The following ATP9A variants were observed in gnomAD, a reference collection of about 807,000 sequenced individuals.
The protein encoded by ATP9A is probable phospholipid-transporting ATPase IIA.
In ATP9A, 52 loss-of-function variants were observed where a neutral mutation model predicts 144.1. The observed-to-expected ratio is 0.36, with a 90% CI of 0.29 to 0.45. The LOEUF is 0.45. Ranked by LOEUF, ATP9A falls within the 20% of genes least tolerant of loss-of-function variation. ATP9A has a pLI of 1.00. For missense variants in ATP9A, 947 were observed against 1,392.7 expected (o/e 0.68, Z 5.09); for synonymous variants, 582 against 557.4 (o/e 1.04, Z -0.62).
At chr20:51,629,875 G>A (rs1024368372) in intron 15 of ATP9A, among the ~76,000 whole-genome samples, 4 of 152,218 alleles carry the variant, frequency 2.6e-5, no homozygotes, top group Non-Finnish European at 5.9e-5. Flanking sequence ...AATCAAGCAT[G>A]TAGCACAGAG....
At chr20:51,644,296 G>A (rs1423794421) in intron 14 of ATP9A, among the ~76,000 whole-genome samples, 19 of 113,712 alleles carry the variant, frequency 1.7e-4, no homozygotes, top group Admixed American at 6.4e-4. Flanking sequence ...TTTTTGAGAC[G>A]GAGTCTCACT....
At chr20:51,638,068 ATTTT>A (rs1568796916) in intron 15 of ATP9A, among the ~76,000 whole-genome samples, 2 of 27,938 alleles carry the variant, frequency 7.2e-5, no homozygotes, top group South Asian at 2.2e-3. Context: ...GCATTTCATC[ATTTT>A]ATATATATAT....
At chr20:51,736,483 GT>G (rs1388942781) in intron 1 of ATP9A, among the ~76,000 whole-genome samples, 55 of 146,158 alleles carry the variant, frequency 3.8e-4, no homozygotes, top group Non-Finnish European at 5.1e-4. Context: ...TCACATTGTA[GT>G]TACTCTTATT....
At chr20:51,652,987 G>A (rs1405792520) in intron 14 of ATP9A, among the ~76,000 whole-genome samples, 2 of 151,870 alleles carry the variant, frequency 1.3e-5, no homozygotes, top group Non-Finnish European at 2.9e-5. Context: ...GCGTGTGCCT[G>A]TAGTCCCAGC....
intron 4 of ATP9A, among the ~76,000 whole-genome samples, chr20:51,708,478 T>C (rs1408810833): frequency 6.6e-6 from 1 of 152,206 alleles, no homozygotes; most frequent in African/African-American, 2.4e-5. Context: ...CTCACACCTG[T>C]AATCCCAGAC....
At chr20:51,631,213 C>T (rs1439165033) in intron 15 of ATP9A, among the ~76,000 whole-genome samples, 1 of 152,102 alleles carries the variant, frequency 6.6e-6, no homozygotes, top group East Asian at 1.9e-4. Flanking sequence ...TCAAATGCCC[C>T]TTAATCACCA....
rs116335176 is a variant in ATP9A at position 51,715,847 on chromosome 20, G to A, written c.328-2773C>T. Among the ~76,000 whole-genome samples the A allele has an allele frequency of 1.2e-3, 177 of 152,274 alleles. 2 individuals carry two copies. Among genetic ancestry groups the A allele is most frequent in the African/African-American group, 3.9e-3 (160 of 41,546 alleles). On this transcript the variant is annotated intron_variant, in intron 3 of 27. Coordinates refer to ENST00000338821, the MANE Select transcript of ATP9A (RefSeq NM_006045.3). ...GAAGCTTTAATGGGCAGGGGAAGGG[G>A]GGCTGTTGAAGGAGGCAGCTGTTGG...
chr20:51,755,453 T>G (rs950231455), intron 1 of ATP9A, among the ~76,000 whole-genome samples: 4 of 151,666 alleles, frequency 2.6e-5, no homozygotes, highest in Admixed American at 1.3e-4. Flanking sequence ...AAAAAAAAAT[T>G]TCTTATAATA....
intron 4 of ATP9A, among the ~76,000 whole-genome samples, chr20:51,697,747 A>G (rs1019004137): frequency 6.6e-6 from 1 of 152,220 alleles, no homozygotes; most frequent in Non-Finnish European, 1.5e-5. Flanking sequence ...ATTTGCCTTC[A>G]GAGTGACTTA....
At chr20:51,765,012 C>T (rs1048456017) in intron 1 of ATP9A, among the ~76,000 whole-genome samples, 1 of 152,120 alleles carries the variant, frequency 6.6e-6, no homozygotes, top group Non-Finnish European at 1.5e-5. Flanking sequence ...TGAACCACCA[C>T]ATCTGGCCCC....
At chr20:51,749,365 C>T (rs13040966) in intron 1 of ATP9A, among the ~76,000 whole-genome samples, 12,570 of 152,040 alleles carry the variant, frequency 0.083, 621 homozygotes, top group African/African-American at 0.13. Context: ...CGGATTCAAG[C>T]AATTCTTCTG....
At chr20:51,721,449 G>C (rs2077688653) in intron 3 of ATP9A, among the ~76,000 whole-genome samples, 1 of 152,068 alleles carries the variant, frequency 6.6e-6, no homozygotes, top group Admixed American at 6.6e-5. Flanking sequence ...ATGAGATCCT[G>C]TCTCTACACA....
At chr20:51,636,671 G>A (rs1355677892) in intron 15 of ATP9A, among the ~76,000 whole-genome samples, 2 of 152,178 alleles carry the variant, frequency 1.3e-5, no homozygotes, top group South Asian at 2.1e-4. Context: ...AATTCCAGCT[G>A]TGTGAACTTG....
intron 1 of ATP9A, among the ~76,000 whole-genome samples, chr20:51,743,746 C>T (rs1165719264): frequency 1.8e-4 from 22 of 122,266 alleles, no homozygotes; most frequent in African/African-American, 6.3e-4. Context: ...ACGGTCGTCA[C>T]GCCTATAATC....
In ATP9A at chr20:51,611,643, A is replaced by G. The variant is rs1018511027; in HGVS notation, c.2572-1478T>C. Among the ~76,000 whole-genome samples the G allele has an allele frequency of 3.3e-5, 5 of 152,190 alleles. No homozygotes were observed. The highest frequency in any genetic ancestry group is 2.0e-4 in the Admixed American group (3 of 15,288). ...ATCCTGGAATTCTTTTTCTACATCA[A>G]TGTTAACAGTAACATCCAGTTTTTG... On this transcript the variant is annotated intron_variant, in intron 23 of 27. Transcript: ENST00000338821. The surrounding 1 kb of genome is among the most constrained non-coding windows in gnomAD (Gnocchi z 4.2).
chr20:51,681,795 C>T (rs1223745101), intron 9 of ATP9A, among the ~76,000 whole-genome samples: 2 of 152,216 alleles, frequency 1.3e-5, no homozygotes, highest in East Asian at 3.8e-4. Context: ...GGCACTACCA[C>T]AGTGCTGGGA....
intron 27 of ATP9A, among the ~76,000 whole-genome samples, chr20:51,602,156 C>G (rs2077145736): frequency 6.6e-6 from 1 of 151,664 alleles, no homozygotes; most frequent in Non-Finnish European, 1.5e-5. Flanking sequence ...CTCAGGGACT[C>G]TGATGGAAGG....
rs897643417 is a variant in ATP9A at position 51,644,725 on chromosome 20, C to T, written c.1507-5221G>A. Among the ~76,000 whole-genome samples, 39 of 152,206 alleles carry T rather than the reference C, an allele frequency of 2.6e-4. 1 individual carries two copies. The East Asian group carries it at 5.4e-3, about 21-fold the overall frequency. On this transcript the variant is annotated intron_variant, in intron 14 of 27. Transcript: ENST00000338821. ...AACCCTGACTAAATTTATATCCTTCCTTATATACCTATTAAGTAATAAAGT... is the reference window on the plus strand; with the variant it reads ...AACCCTGACTAAATTTATATCCTTCTTTATATACCTATTAAGTAATAAAGT...
rs1205678654 is a variant in ATP9A at position 51,617,567 on chromosome 20, C to A, written c.2351-13G>T. The A allele has an allele frequency of 2.5e-6, 4 of 1,610,316 alleles. No homozygotes were observed. In the African/African-American group the frequency reaches 5.3e-5, roughly 22 times the overall value. ...TTGCCTCCGTCCCCTGCGAGCCACACAGACCAGAGAGAAAAGATGTTTCAT... is the reference window on the plus strand; with the variant it reads ...TTGCCTCCGTCCCCTGCGAGCCACAAAGACCAGAGAGAAAAGATGTTTCAT... On this transcript the variant is annotated splice_polypyrimidine_tract_variant and intron_variant, in intron 21 of 27. Coordinates refer to ENST00000338821, the MANE Select transcript of ATP9A (RefSeq NM_006045.3).
Sources: gnomAD v4.1 joint callset for allele counts (sites outside exome capture counted in the v4.1 genomes callset) on GRCh38, gnomAD v4.1.1 for gene constraint, Gnocchi (gnomAD v3.1) non-coding constraint, MANE v1.5 for transcripts, NCBI Gene and HGNC (gene_info 2026-07-23, HGNC 2026-07-21) for gene names.